Variants in MCTP1 observed in about 807,000 individuals in gnomAD.
MCTP1 encodes multiple C2 and transmembrane domain containing 1, also known as multiple C2 and transmembrane domain-containing protein 1.
In MCTP1, 69 loss-of-function variants were observed where a neutral mutation model predicts 120.6. The ratio of observed to expected loss-of-function variants is 0.57; its 90% CI spans 0.47 to 0.70. The LOEUF (loss-of-function observed/expected upper bound fraction) is 0.70, where lower values mean the gene tolerates loss of function less well. Ranked by LOEUF, MCTP1 falls within the 30% of genes least tolerant of loss-of-function variation. MCTP1 has a pLI of 0.00. For missense variants in MCTP1, 1,203 were observed against 1,248.8 expected (o/e 0.96, Z 0.55); for synonymous variants, 529 against 493.1 (o/e 1.07, Z -0.96).
chr5:95,242,039 GA>G (rs1756224042), intron 1 of MCTP1, among the ~76,000 whole-genome samples: 1 of 152,004 alleles, frequency 6.6e-6, no homozygotes, highest in African/African-American at 2.4e-5. Flanking sequence ...GGCTTAGTGA[GA>G]AAAAAAGTCC....
chr5:95,014,169 C>G (rs539030792), intron 2 of MCTP1, among the ~76,000 whole-genome samples: 1 of 151,966 alleles, frequency 6.6e-6, no homozygotes, highest in Non-Finnish European at 1.5e-5. Context: ...TAGGCTGAGG[C>G]GAGAGGGTGC....
intron 17 of MCTP1, among the ~76,000 whole-genome samples, chr5:94,840,657 C>G (rs1054362703): frequency 1.3e-5 from 2 of 152,244 alleles, no homozygotes; most frequent in African/African-American, 2.4e-5. Context: ...CAGGGCTTAC[C>G]ACCTATGTGT....
chr5:95,104,227 G>C (rs1447797866), intron 1 of MCTP1, among the ~76,000 whole-genome samples: 1 of 152,092 alleles, frequency 6.6e-6, no homozygotes, highest in African/African-American at 2.4e-5. Context: ...ATTACTAATG[G>C]GACCTGAACT....
At chr5:94,925,949 T>C (rs1812983483) in intron 6 of MCTP1, among the ~76,000 whole-genome samples, 1 of 152,006 alleles carries the variant, frequency 6.6e-6, no homozygotes, top group South Asian at 2.1e-4. Context: ...TCCTCAAAGA[T>C]AAAAAAATCT....
chr5:94,743,640 T>C (rs1274426305), intron 19 of MCTP1, among the ~76,000 whole-genome samples: 1 of 145,044 alleles, frequency 6.9e-6, no homozygotes, highest in East Asian at 2.0e-4. Context: ...CATTTTTTTT[T>C]TTTTTTTTTT....
chr5:95,189,639 G>A (rs1749617403), intron 1 of MCTP1, among the ~76,000 whole-genome samples: 1 of 152,070 alleles, frequency 6.6e-6, no homozygotes, highest in Non-Finnish European at 1.5e-5. Flanking sequence ...TAGGAATCCA[G>A]GAAATCTGGG....
At chr5:94,963,405 C>T (rs1404042358) in intron 2 of MCTP1, among the ~76,000 whole-genome samples, 1 of 148,634 alleles carries the variant, frequency 6.7e-6, no homozygotes, top group Non-Finnish European at 1.5e-5. Flanking sequence ...AATGGCTGCA[C>T]CAATTTAGAT....
intron 6 of MCTP1, among the ~76,000 whole-genome samples, chr5:94,930,077 T>C (rs1245794944): frequency 2.0e-5 from 3 of 152,018 alleles, no homozygotes; most frequent in Non-Finnish European, 4.4e-5. Flanking sequence ...CGTTCGAATA[T>C]ATAAATGGAT....
In MCTP1 at chr5:95,087,219, C is replaced by T. The variant is rs117873442; in HGVS notation, c.721-69735G>A. Among the ~76,000 whole-genome samples, 22 of 152,300 alleles carry T rather than the reference C, an allele frequency of 1.4e-4. No homozygotes were observed. The East Asian group carries it at 4.0e-3, about 28-fold the overall frequency. On this transcript the variant is annotated intron_variant, in intron 1 of 22. Transcript: ENST00000515393. ...ACTTGCAAACCAAGATGTGTTTCCC[C>T]TGCTTAGGGGTGACAGTAAATTTGA...
At chr5:94,713,764 A>G (rs1486618523) in intron 20 of MCTP1, among the ~76,000 whole-genome samples, 1 of 152,168 alleles carries the variant, frequency 6.6e-6, no homozygotes, top group East Asian at 1.9e-4. Flanking sequence ...CTCAGCACCT[A>G]GACATGTGGA....
chr5:94,854,775 C>T (rs940282551), intron 17 of MCTP1, among the ~76,000 whole-genome samples: 1 of 151,978 alleles, frequency 6.6e-6, no homozygotes. Context: ...AAGCTTAAAT[C>T]AAATTCTTAT....
chr5:94,947,577 T>TATATATATATAGAGAGAG, intron 3 of MCTP1, among the ~76,000 whole-genome samples: 51 of 47,390 alleles, frequency 1.1e-3, no homozygotes, highest in Non-Finnish European at 1.2e-3. Flanking sequence ...TATATATATA[T>TATATATATATAGAGAGAG]AGAGAGAGAG....
Position 94,809,953 on chromosome 5 carries a change from A to C in MCTP1, c.2437-10821T>G, listed in dbSNP as rs182709848. Among the ~76,000 whole-genome samples, 98 of 152,208 alleles carry C rather than the reference A, an allele frequency of 6.4e-4. 1 individual carries two copies. Among genetic ancestry groups the C allele is most frequent in the African/African-American group, 2.3e-3 (96 of 41,550 alleles). ...TCCATGCTTTAATTATTTTCTAAGG[A>C]AGAAAAAAAAGTGTTTTAATGTTGG... On this transcript the variant is annotated intron_variant, in intron 17 of 22. Coordinates refer to ENST00000515393, the MANE Select transcript of MCTP1 (RefSeq NM_024717.7).
At chr5:95,015,515 T>A (rs773670771) in intron 2 of MCTP1, among the ~76,000 whole-genome samples, 3 of 152,168 alleles carry the variant, frequency 2.0e-5, no homozygotes, top group Admixed American at 6.6e-5. Flanking sequence ...ACATTCTGTA[T>A]GTTACCGATT....
chr5:95,206,423 T>C (rs1053818324), intron 1 of MCTP1, among the ~76,000 whole-genome samples: 1 of 152,158 alleles, frequency 6.6e-6, no homozygotes, highest in Non-Finnish European at 1.5e-5. Context: ...GTGAATTGTA[T>C]AGTATGTGAA....
At position 95,284,357 on chromosome 5, in the gene MCTP1, A is replaced by C; in HGVS notation, c.219T>G (p.Gly73=). 1 of 1,596,532 alleles carries C rather than the reference A, an allele frequency of 6.3e-7. No homozygotes were observed. The highest frequency in any genetic ancestry group is 1.1e-5 in the South Asian group (1 of 90,930). The stretch of plus-strand genomic sequence containing the variant: ...TGAAGCCGCTCCACCTGCTGCCTGC[A>C]CCACTCCCCCTGGCCGGTGCATTCC... ...GTGNAPARGS[G]AGSRWSGFKK... The change falls in exon 1 of 23, where the codon GGT becomes GGG. Residue 73 remains glycine (G), a synonymous_variant. Transcript: ENST00000515393. This position sits in a 1 kb window ranked among gnomAD's most constrained non-coding sequence, Gnocchi z 5.2.
chr5:95,094,843 A>G (rs1035176978), intron 1 of MCTP1, among the ~76,000 whole-genome samples: 8 of 151,926 alleles, frequency 5.3e-5, no homozygotes, highest in Non-Finnish European at 8.8e-5. Context: ...CTGTTAATAT[A>G]CCAGATTTTT....
intron 2 of MCTP1, among the ~76,000 whole-genome samples, chr5:94,965,424 C>T (rs1462136424): frequency 6.6e-6 from 1 of 152,150 alleles, no homozygotes; most frequent in Non-Finnish European, 1.5e-5. Context: ...GCCCTTCCAG[C>T]CCTTTACTGT....
At chr5:94,812,183 T>C (rs953106840) in intron 17 of MCTP1, among the ~76,000 whole-genome samples, 4 of 152,184 alleles carry the variant, frequency 2.6e-5, no homozygotes. Flanking sequence ...CAGGCATTAA[T>C]CGTAGGTTCA....
Sources: gnomAD v4.1 joint callset for allele counts (sites outside exome capture counted in the v4.1 genomes callset) on GRCh38, gnomAD v4.1.1 for gene constraint, Gnocchi (gnomAD v3.1) non-coding constraint, MANE v1.5 for transcripts, NCBI Gene and HGNC (gene_info 2026-07-23, HGNC 2026-07-21) for gene names.